Variants in ACVR1C observed in about 807,000 individuals in gnomAD.
ACVR1C encodes the protein activin receptor type-1C.
A neutral mutation model predicts 57.9 loss-of-function variants in ACVR1C; 23 were observed. The ratio of observed to expected loss-of-function variants is 0.40; its 90% CI spans 0.29 to 0.56. The LOEUF is 0.56. Among genes scored for constraint, ACVR1C ranks in the 20% least tolerant of loss-of-function variants. The probability of loss-of-function intolerance (pLI) is 0.50; values close to 1 mark genes in which losing one functional copy is unlikely to be tolerated. For synonymous variants in ACVR1C, 214 were observed against 215.3 expected, an observed-to-expected ratio of 0.99 and a Z score of 0.05; for missense variants, 480 against 607.9, an observed-to-expected ratio of 0.79 and a Z score of 2.21.
In ACVR1C at chr2:157,587,325, T is replaced by C. The variant is rs1250676811; in HGVS notation, c.166A>G (p.Lys56Glu). 46 of 1,613,630 alleles carry C rather than the reference T, an allele frequency of 2.9e-5. No individual in the cohort carries two copies. The highest frequency in any genetic ancestry group is 3.8e-5 in the Non-Finnish European group (45 of 1,179,688). The change falls in exon 2 of 9, where the codon AAA becomes GAA. Residue 56 changes from lysine to glutamate, a missense_variant. Lys to Glu is a moderately conservative substitution (Grantham distance 56, BLOSUM62 1). Transcript: ENST00000243349. ...ACACAGGATTTGATCACCTGCTCTT[T>C]TCCATTGGTTAGCATGACTGATGCC... The part of the protein sequence containing the change: ...CWASVMLTNG[K>E]EQVIKSCVSL...
chr2:157,544,663 C>G, intron 4 of ACVR1C, 51 bp from the exon 5 acceptor site: 1 of 1,479,292 alleles, frequency 6.8e-7, no homozygotes, highest in Non-Finnish European at 9.3e-7. Context: ...GAGAAAGAAG[C>G]CAAAAGCTTT....
rs554524937 is a variant in ACVR1C at position 157,550,871 on chromosome 2, T to G, written c.545-479A>C. On this transcript the variant is annotated intron_variant, in intron 3 of 8. Transcript: ENST00000243349. ...GAAAGTGAAGAATCAAATACAATGA[T>G]CATGTGAGATAATGATATTACACTA... 1.3e-4 allele frequency among the ~76,000 whole-genome samples: 20 copies of G among 152,108 alleles called. No homozygotes were observed. In the South Asian group the frequency reaches 3.9e-3, roughly 30 times the overall value.
intron 8 of ACVR1C, among the ~76,000 whole-genome samples, chr2:157,537,373 T>C (rs1687515342): frequency 6.6e-6 from 1 of 151,900 alleles, no homozygotes; most frequent in African/African-American, 2.4e-5. Context: ...GTTTATATTG[T>C]TTCGTGTACA....
rs142047594 is a variant in ACVR1C at position 157,544,135 on chromosome 2, C to T, written c.943+310G>A. ...CTCACTGCAGCCTGGACCTTTCAGG[C>T]TCAAGTGATCCTCCCACCTCAGCCT... is the stretch of plus-strand genomic sequence containing the variant. On this transcript the variant is annotated intron_variant, in intron 5 of 8. Coordinates refer to ENST00000243349, the MANE Select transcript of ACVR1C (RefSeq NM_145259.3). Among the ~76,000 whole-genome samples the T allele has an allele frequency of 8.4e-3, 1,233 of 147,648 alleles. 7 individuals carry two copies. Among genetic ancestry groups the T allele is most frequent in the Middle Eastern group, 0.028 (8 of 282 alleles).
chr2:157,531,126 A>G lies in ACVR1C; in HGVS notation c.*2792T>C, dbSNP rs1011596524. ...AAAGAAATAAATATTACACAATGGG[A>G]CTCCATTAAAAACAATATAACATTT... is the stretch of plus-strand genomic sequence containing the variant. On this transcript the variant is annotated 3_prime_UTR_variant, in exon 9 of 9. Coordinates refer to ENST00000243349, the MANE Select transcript of ACVR1C (RefSeq NM_145259.3). The G allele has an allele frequency of 1.3e-5, 2 of 151,488 alleles. No individual in the cohort carries two copies. The highest frequency in any genetic ancestry group is 4.8e-5 in the African/African-American group (2 of 41,246). The allele number at this position is 151,488 out of a possible 1,614,324, so 9.4% of individuals were successfully genotyped here. A position where few individuals can be genotyped will look rare whatever the true frequency, so the allele number is the denominator to read the frequency against.
chr2:157,616,802 CAT>C (rs1477160170), intron 1 of ACVR1C, among the ~76,000 whole-genome samples: 5 of 151,578 alleles, frequency 3.3e-5, no homozygotes, highest in African/African-American at 1.2e-4. Flanking sequence ...TACAGTTAAA[CAT>C]AGAGCAACCA....
chr2:157,530,434 A>G lies in ACVR1C; in HGVS notation c.*3484T>C, dbSNP rs1687326804. The G allele has an allele frequency of 6.6e-6, 1 of 152,044 alleles. No individual in the cohort carries two copies. The highest frequency in any genetic ancestry group is 1.5e-5 in the Non-Finnish European group (1 of 67,978). The allele number at this position is 152,044 out of a possible 1,614,324, so 9.4% of individuals were successfully genotyped here. A position where few individuals can be genotyped will look rare whatever the true frequency, so the allele number is the denominator to read the frequency against. ...TTGTGCAGACTCAAAGACAACCCTG[A>G]GTTTTCTCTGCCCCAATAAGTCACA... On this transcript the variant is annotated 3_prime_UTR_variant, in exon 9 of 9. Transcript: ENST00000243349.
intron 3 of ACVR1C, among the ~76,000 whole-genome samples, chr2:157,553,018 C>T (rs954866021): frequency 2.0e-5 from 3 of 152,236 alleles, no homozygotes; most frequent in Non-Finnish European, 4.4e-5. Context: ...CATCATTTCT[C>T]ATCAGTCCAT....
intron 1 of ACVR1C, among the ~76,000 whole-genome samples, chr2:157,613,306 G>T (rs1035913644): frequency 6.6e-6 from 1 of 152,102 alleles, no homozygotes; most frequent in African/African-American, 2.4e-5. Flanking sequence ...AGTGTCTAAT[G>T]TCCCTAGTCA....
At chr2:157,566,270 A>G (rs2105235144) in intron 2 of ACVR1C, among the ~76,000 whole-genome samples, 1 of 152,358 alleles carries the variant, frequency 6.6e-6, no homozygotes, top group Middle Eastern at 3.4e-3. Context: ...ACAGAGCTAT[A>G]TTCACAGAAG....
Position 157,588,893 on chromosome 2 carries a change from A to G in ACVR1C, c.74-1476T>C, listed in dbSNP as rs140412297. On this transcript the variant is annotated intron_variant, in intron 1 of 8. Transcript: ENST00000243349. Reference sequence around the variant, plus strand: ...TATATATATATACGTGTGTGTGTATATATATATATGTACATGCTCATACAC... The same window carrying G: ...TATATATATATACGTGTGTGTGTATGTATATATATGTACATGCTCATACAC... Among the ~76,000 whole-genome samples, 839 of 136,498 alleles carry G rather than the reference A, an allele frequency of 6.1e-3. 12 individuals carry two copies. The highest frequency in any genetic ancestry group is 0.021 in the African/African-American group (780 of 37,870). 89.5% of individuals were successfully genotyped at this position (136,498 alleles called of 152,430 possible).
chr2:157,622,828 A>C (rs1310990041), intron 1 of ACVR1C, among the ~76,000 whole-genome samples: 1 of 152,186 alleles, frequency 6.6e-6, no homozygotes, highest in Non-Finnish European at 1.5e-5. Context: ...CAATCCACAG[A>C]ATGAGAGAAA....
chr2:157,598,593 G>A (rs1398448422), intron 1 of ACVR1C, among the ~76,000 whole-genome samples: 1 of 149,516 alleles, frequency 6.7e-6, no homozygotes, highest in Non-Finnish European at 1.5e-5. Context: ...AGGCTGGAGT[G>A]TAGTGGCACA....
chr2:157,533,768 G>T lies in ACVR1C; in HGVS notation c.*150C>A. 1 of 644,310 alleles carries T rather than the reference G, an allele frequency of 1.6e-6. No individual in the cohort carries two copies. The highest frequency in any genetic ancestry group is 3.5e-5 in the East Asian group (1 of 28,976). The allele number at this position is 644,310 out of a possible 1,614,324, so 39.9% of individuals were successfully genotyped here. ...ACTCCTGCCCATGCTTAACTTTAGA[G>T]TTATCTTTTCATGCTGCCTTATGGG... On this transcript the variant is annotated 3_prime_UTR_variant, in exon 9 of 9. Transcript: ENST00000243349.
intron 1 of ACVR1C, among the ~76,000 whole-genome samples, chr2:157,604,973 A>T (rs944075119): frequency 1.3e-5 from 2 of 151,838 alleles, no homozygotes; most frequent in Non-Finnish European, 3.0e-5. Context: ...AATGTTGCCT[A>T]ACCTAAGATC....
At chr2:157,567,130 T>C (rs367682153) in intron 2 of ACVR1C, among the ~76,000 whole-genome samples, 23 of 86,044 alleles carry the variant, frequency 2.7e-4, no homozygotes, top group East Asian at 5.9e-4. Flanking sequence ...CGGCAGGGTA[T>C]TCCAACAGAC....
At chr2:157,562,270 A>G (rs1218171938) in intron 2 of ACVR1C, among the ~76,000 whole-genome samples, 1 of 147,064 alleles carries the variant, frequency 6.8e-6, no homozygotes, top group Non-Finnish European at 1.5e-5. Context: ...ACTGCAGCCT[A>G]ATGACAGAGC....
At chr2:157,587,119 T>G (rs1382134326) in intron 2 of ACVR1C, 68 bp downstream of exon 2, 3 of 1,341,240 alleles carry the variant, frequency 2.2e-6, no homozygotes, top group African/African-American at 2.9e-5. Context: ...GACAGTTTGA[T>G]TCCTACCATT....
At chr2:157,558,878 G>A (rs1261446350) in intron 2 of ACVR1C, among the ~76,000 whole-genome samples, 1 of 152,072 alleles carries the variant, frequency 6.6e-6, no homozygotes, top group East Asian at 1.9e-4. Context: ...CTGCACAAAG[G>A]TATTCTAGTT....
Sources: gnomAD v4.1 joint callset for allele counts (sites outside exome capture counted in the v4.1 genomes callset) on GRCh38, gnomAD v4.1.1 for gene constraint, MANE v1.5 for transcripts, NCBI Gene and HGNC (gene_info 2026-07-23, HGNC 2026-07-21) for gene names.